Variants in PCLO observed in about 807,000 individuals in gnomAD.
PCLO encodes the protein protein piccolo.
In PCLO, 82 loss-of-function variants were observed where a neutral mutation model predicts 427.5. The ratio of observed to expected loss-of-function variants is 0.19; its 90% CI spans 0.16 to 0.23. The LOEUF (loss-of-function observed/expected upper bound fraction) is 0.23, where lower values mean the gene tolerates loss of function less well. PCLO is among the 10% of genes least tolerant of loss of function. The pLI, the probability that PCLO is intolerant of heterozygous loss-of-function variation, is 1.00. For synonymous variants in PCLO, 2,357 were observed against 2,155.4 expected, an observed-to-expected ratio of 1.09 and a Z score of -2.59; for missense variants, 6,239 against 6,115.9, an observed-to-expected ratio of 1.02 and a Z score of -0.67.
intron 3 of PCLO, among the ~76,000 whole-genome samples, chr7:83,089,130 T>A (rs1790313116): frequency 6.8e-6 from 1 of 146,560 alleles, no homozygotes; most frequent in South Asian, 2.1e-4. Flanking sequence ...TTAGTGTGTA[T>A]GTATGTTTAC....
intron 3 of PCLO, among the ~76,000 whole-genome samples, chr7:82,976,858 C>T (rs1222831241): frequency 3.9e-5 from 6 of 152,212 alleles, no homozygotes; most frequent in East Asian, 1.9e-4. Context: ...TAAACATATA[C>T]AATTATAATT....
chr7:83,154,987 G>T lies in PCLO; in HGVS notation c.1654C>A (p.Gln552Lys). 1 of 1,614,028 alleles carries T rather than the reference G, an allele frequency of 6.2e-7. No individual in the cohort carries two copies. The highest frequency in any genetic ancestry group is 8.5e-7 in the Non-Finnish European group (1 of 1,179,894). The stretch of plus-strand genomic sequence containing the variant: ...TGGCTTACTGGTTTTGTAGATTGCT[G>T]AGCCGAGGGCTTTGCTGGGCTAGGC... ...QQPSPAKPSAQQSTKPVSQTG... is the reference protein window; with the variant it reads ...QQPSPAKPSAKQSTKPVSQTG... The change falls in exon 2 of 25, where the codon CAG becomes AAG. Residue 552 changes from glutamine (Q) to lysine (K), a missense_variant. Around this residue, in one of 5 missense-constraint regions of PCLO, gnomAD observed 4,677 missense variants for 4,468.4 expected, o/e 1.05. Transcript: ENST00000333891.
At chr7:83,080,040 A>G (rs2116393192) in intron 3 of PCLO, among the ~76,000 whole-genome samples, 1 of 152,228 alleles carries the variant, frequency 6.6e-6, no homozygotes, top group Middle Eastern at 3.4e-3. Context: ...GTCCCTGCAA[A>G]AGACATGATC....
chr7:83,078,519 C>CATTATTATT (rs143405758), intron 3 of PCLO, among the ~76,000 whole-genome samples: 8 of 150,284 alleles, frequency 5.3e-5, no homozygotes, highest in East Asian at 3.9e-4. Context: ...ATGTTGCTAG[C>CATTATTATT]ATTATTATTA....
chr7:83,108,249 TTTG>T (rs1195803373), intron 3 of PCLO, among the ~76,000 whole-genome samples: 1 of 152,044 alleles, frequency 6.6e-6, no homozygotes, highest in Non-Finnish European at 1.5e-5. Flanking sequence ...TTTCCTTTCC[TTTG>T]TTGTTATTGG....
At chr7:82,944,737 T>C (rs1444844919) in intron 6 of PCLO, among the ~76,000 whole-genome samples, 2 of 152,208 alleles carry the variant, frequency 1.3e-5, no homozygotes, top group Admixed American at 1.3e-4. Context: ...TGATAGTTGG[T>C]GACTTTTTAC....
At position 82,956,062 on chromosome 7, in the gene PCLO, C is replaced by T. The variant is rs1187843845; in HGVS notation, c.4891G>A (p.Asp1631Asn). Residue 1631 changes from aspartate (D) to asparagine (N), a missense_variant, in exon 5 of 25, where the codon GAT (aspartate) becomes AAT (asparagine). Around this residue, in one of 5 missense-constraint regions of PCLO, gnomAD observed 4,677 missense variants for 4,468.4 expected, o/e 1.05. Transcript: ENST00000333891. ...EDAGRRHSWH[D>N]EDDEAFDESP... is the part of the protein sequence containing the mutation. The stretch of plus-strand genomic sequence containing the variant: ...TCATCAAATGCTTCATCGTCTTCAT[C>T]ATGCCATGAGTGACGTCTTCCTGCA... The T allele has an allele frequency of 6.2e-7, 1 of 1,612,634 alleles. No homozygotes were observed. Among genetic ancestry groups the T allele is most frequent in the Non-Finnish European group, 8.5e-7 (1 of 1,179,858 alleles).
At chr7:82,942,030 T>C (rs1795098850) in intron 6 of PCLO, among the ~76,000 whole-genome samples, 1 of 152,092 alleles carries the variant, frequency 6.6e-6, no homozygotes, top group African/African-American at 2.4e-5. Context: ...AATACAAAAA[T>C]TAGCTGGGCA....
chr7:83,043,161 A>T (rs1254705906), intron 3 of PCLO, among the ~76,000 whole-genome samples: 1 of 152,134 alleles, frequency 6.6e-6, no homozygotes, highest in African/African-American at 2.4e-5. Context: ...AGACATTCCC[A>T]AATATCCTCT....
At chr7:82,886,877 C>T (rs973936970) in intron 9 of PCLO, among the ~76,000 whole-genome samples, 1 of 152,116 alleles carries the variant, frequency 6.6e-6, no homozygotes, top group Admixed American at 6.6e-5. Context: ...TTATTTTCAT[C>T]TAATTTTCTA....
intron 3 of PCLO, among the ~76,000 whole-genome samples, chr7:83,025,792 C>G (rs1182269203): frequency 6.6e-6 from 1 of 151,914 alleles, no homozygotes; most frequent in Non-Finnish European, 1.5e-5. Context: ...AGAGTGGGGG[C>G]CAATATTCAA....
intron 13 of PCLO, among the ~76,000 whole-genome samples, chr7:82,842,949 T>C (rs1792403723): frequency 6.6e-6 from 1 of 152,102 alleles, no homozygotes; most frequent in African/African-American, 2.4e-5. Context: ...TGTACACTGT[T>C]GGTGGGAATG....
intron 22 of PCLO, among the ~76,000 whole-genome samples, chr7:82,796,913 C>T (rs1052285091): frequency 3.3e-5 from 5 of 150,968 alleles, no homozygotes; most frequent in African/African-American, 7.3e-5. Flanking sequence ...AATAGATACA[C>T]TCATATATAG....
intron 8 of PCLO, among the ~76,000 whole-genome samples, chr7:82,903,410 G>T (rs1230744796): frequency 6.6e-6 from 1 of 151,918 alleles, no homozygotes; most frequent in Admixed American, 6.6e-5. Flanking sequence ...ATTCCTTAGG[G>T]TAGAAGAAGT....
intron 9 of PCLO, among the ~76,000 whole-genome samples, chr7:82,889,988 A>G (rs1793719528): frequency 6.6e-6 from 1 of 151,742 alleles, no homozygotes; most frequent in East Asian, 1.9e-4. Context: ...TAGCTTTATA[A>G]TTGTTACCAC....
intron 3 of PCLO, among the ~76,000 whole-genome samples, chr7:83,123,640 T>TA (rs1791342307): frequency 6.6e-6 from 1 of 151,952 alleles, no homozygotes; most frequent in Non-Finnish European, 1.5e-5. Flanking sequence ...CATATCAAGT[T>TA]AAAAAACTTC....
At chr7:83,030,194 T>C (rs1453847409) in intron 3 of PCLO, among the ~76,000 whole-genome samples, 1 of 150,356 alleles carries the variant, frequency 6.7e-6, no homozygotes, top group Non-Finnish European at 1.5e-5. Context: ...GAGAGAGACA[T>C]TTAAAACTCT....
chr7:82,950,825 T>C lies in PCLO; in HGVS notation c.9763A>G (p.Lys3255Glu), dbSNP rs766327090. 2 of 1,613,618 alleles carry C rather than the reference T, an allele frequency of 1.2e-6. No individual in the cohort carries two copies. The highest frequency in any genetic ancestry group is 2.2e-5 in the East Asian group (1 of 44,864). ...ATAGACTGCAGCTCCTCCAACTTTT[T>C]CTGAACCATGATCTTTTCTTGTTCT... The part of the protein sequence containing the change: ...FREQEKIMVQ[K>E]KLEELQSMKQ... Residue 3255 changes from lysine to glutamate, a missense_variant, in exon 6 of 25, where the codon AAA becomes GAA. By Grantham distance (56) the Lys-to-Glu change is moderately conservative. Around this residue, in one of 5 missense-constraint regions of PCLO, gnomAD observed 4,677 missense variants for 4,468.4 expected, o/e 1.05. Transcript: ENST00000333891.
intron 6 of PCLO, among the ~76,000 whole-genome samples, chr7:82,948,373 T>C (rs113529986): frequency 2.0e-4 from 31 of 152,202 alleles, no homozygotes; most frequent in Middle Eastern, 3.4e-3. Flanking sequence ...ATTATGACCA[T>C]TGATGTCTAT....
Sources: gnomAD v4.1 joint callset for allele counts (sites outside exome capture counted in the v4.1 genomes callset) on GRCh38, gnomAD v4.1.1 for gene constraint, gnomAD v4.1.1 regional missense constraint, MANE v1.5 for transcripts, NCBI Gene and HGNC (gene_info 2026-07-23, HGNC 2026-07-21) for gene names.